ULK4: variants seen among roughly 807,000 people sequenced by gnomAD.
ULK4 encodes inactive serine/threonine-protein kinase ULK4.
A neutral mutation model predicts 160.6 loss-of-function variants in ULK4; 133 were observed. That is an observed-to-expected ratio of 0.83 (90% CI 0.72 to 0.96). The LOEUF (loss-of-function observed/expected upper bound fraction) is 0.96. Among genes scored for constraint, ULK4 ranks in the 40% least tolerant of loss-of-function variants. ULK4 has a pLI of 0.00. For synonymous variants in ULK4, 534 were observed against 539.8 expected (o/e 0.99, Z 0.15); for missense variants, 1,580 against 1,499.5 (o/e 1.05, Z -0.89).
chr3:41,511,461 C>T (rs2085574088), intron 32 of ULK4, among the ~76,000 whole-genome samples: 1 of 152,078 alleles, frequency 6.6e-6, no homozygotes, highest in Admixed American at 6.5e-5. Flanking sequence ...GGATATATTA[C>T]TACTGATACC....
intron 34 of ULK4, among the ~76,000 whole-genome samples, chr3:41,420,623 C>A (rs2082642815): frequency 6.6e-6 from 1 of 151,046 alleles, no homozygotes; most frequent in African/African-American, 2.4e-5. Flanking sequence ...GCTGAGATTA[C>A]ACAGGCACCA....
Position 41,352,855 on chromosome 3 carries a change from C to T in ULK4, c.3678+45224G>A, listed in dbSNP as rs945460177. Reference sequence around the variant, plus strand: ...GTTCAGTTAACAGGGAAGCGTGAACCTTCAAGGTCAAACAAGGCCAATTCA... The same window carrying T: ...GTTCAGTTAACAGGGAAGCGTGAACTTTCAAGGTCAAACAAGGCCAATTCA... On this transcript the variant is annotated intron_variant, in intron 35 of 36. Coordinates refer to ENST00000301831, the MANE Select transcript of ULK4 (RefSeq NM_017886.4). Among the ~76,000 whole-genome samples the T allele has an allele frequency of 5.9e-5, 9 of 152,148 alleles. No individual in the cohort carries two copies. In the East Asian group the frequency reaches 1.7e-3, roughly 29 times the overall value.
intron 30 of ULK4, among the ~76,000 whole-genome samples, chr3:41,621,951 G>A (rs1430310612): frequency 6.6e-6 from 1 of 152,112 alleles, no homozygotes; most frequent in Non-Finnish European, 1.5e-5. Context: ...AAAAGGCGAA[G>A]GGTATGAACA....
rs187749946 is a variant in ULK4, at chr3:41,332,841, G to A, written c.3678+65238C>T. On this transcript the variant is annotated intron_variant, in intron 35 of 36. Transcript: ENST00000301831. ...CCTCTAGTAGTCCTCTGTGTCTATTGTTGCCATCTTTATGTTCAGGAGTAC... is the reference window on the plus strand; with the variant it reads ...CCTCTAGTAGTCCTCTGTGTCTATTATTGCCATCTTTATGTTCAGGAGTAC... Among the ~76,000 whole-genome samples, 53 of 152,134 alleles carry A rather than the reference G, an allele frequency of 3.5e-4. No individual in the cohort carries two copies. In the East Asian group the frequency reaches 8.3e-3, roughly 24 times the overall value.
At chr3:41,844,967 CTT>C (rs201354327) in intron 17 of ULK4, among the ~76,000 whole-genome samples, 45 of 143,532 alleles carry the variant, frequency 3.1e-4, no homozygotes, top group East Asian at 6.1e-4. Flanking sequence ...ACCCAGATAT[CTT>C]TTTTTTTTTT....
chr3:41,457,055 G>A (rs968271194), intron 33 of ULK4, among the ~76,000 whole-genome samples: 87 of 152,250 alleles, frequency 5.7e-4, no homozygotes, highest in African/African-American at 2.0e-3. Context: ...ACAAATGTGC[G>A]GCACTATCCA....
intron 35 of ULK4, among the ~76,000 whole-genome samples, chr3:41,392,730 A>G (rs1434017967): frequency 6.6e-6 from 1 of 152,098 alleles, no homozygotes; most frequent in Non-Finnish European, 1.5e-5. Context: ...CTTAATGAAT[A>G]TCCTCTGATT....
At chr3:41,309,653 A>T (rs2080011902) in intron 35 of ULK4, among the ~76,000 whole-genome samples, 2 of 152,230 alleles carry the variant, frequency 1.3e-5, no homozygotes, top group South Asian at 4.1e-4. Flanking sequence ...GGAATTCTAA[A>T]TGTTTTAGAA....
At chr3:41,880,534 T>A (rs1697479250) in intron 17 of ULK4, among the ~76,000 whole-genome samples, 1 of 152,216 alleles carries the variant, frequency 6.6e-6, no homozygotes, top group South Asian at 2.1e-4. Flanking sequence ...TTCATTAAAC[T>A]CTCCAGCATT....
chr3:41,695,787 T>C (rs2036473859), intron 27 of ULK4, among the ~76,000 whole-genome samples: 1 of 152,132 alleles, frequency 6.6e-6, no homozygotes, highest in Non-Finnish European at 1.5e-5. Context: ...ACCATAGACA[T>C]GATTACGTAT....
At chr3:41,695,727 G>C (rs2036471134) in intron 27 of ULK4, among the ~76,000 whole-genome samples, 1 of 152,242 alleles carries the variant, frequency 6.6e-6, no homozygotes, top group African/African-American at 2.4e-5. Context: ...GCCACGAGCT[G>C]TTCCAGTATA....
At chr3:41,309,898 GAAAA>G (rs35153974) in intron 35 of ULK4, among the ~76,000 whole-genome samples, 2 of 144,452 alleles carry the variant, frequency 1.4e-5, no homozygotes, top group African/African-American at 5.0e-5. Context: ...GCCTTTTAGG[GAAAA>G]AAAAAAAAAT....
intron 32 of ULK4, among the ~76,000 whole-genome samples, chr3:41,529,794 G>A (rs2086240677): frequency 6.6e-6 from 1 of 152,106 alleles, no homozygotes; most frequent in South Asian, 2.1e-4. Context: ...CGCCCAGCCA[G>A]GTACTGATAT....
At chr3:41,935,743 G>T in intron 4 of ULK4, 58 bp downstream of exon 4, 2 of 1,525,638 alleles carry the variant, frequency 1.3e-6, no homozygotes, top group Non-Finnish European at 8.8e-7. Flanking sequence ...ACATCTTTGA[G>T]AAAGCACTCT....
chr3:41,805,407 T>C (rs2040609787), intron 19 of ULK4, among the ~76,000 whole-genome samples: 1 of 152,244 alleles, frequency 6.6e-6, no homozygotes, highest in Non-Finnish European at 1.5e-5. Flanking sequence ...GTTTTCTAAA[T>C]ATACAATCAT....
At chr3:41,886,453 A>C (rs1697724900) in intron 16 of ULK4, among the ~76,000 whole-genome samples, 1 of 152,236 alleles carries the variant, frequency 6.6e-6, no homozygotes, top group African/African-American at 2.4e-5. Flanking sequence ...AGGCTGTACA[A>C]GGCAAACAAA....
chr3:41,609,500 T>A (rs1161003229), intron 31 of ULK4, among the ~76,000 whole-genome samples: 1 of 152,222 alleles, frequency 6.6e-6, no homozygotes, highest in Non-Finnish European at 1.5e-5. Context: ...GTGGTATATG[T>A]TAGCAGCGTA....
At chr3:41,723,123 A>AATTT (rs1410766952) in intron 22 of ULK4, among the ~76,000 whole-genome samples, 1 of 152,166 alleles carries the variant, frequency 6.6e-6, no homozygotes, top group Non-Finnish European at 1.5e-5. Context: ...TGGTACCTTT[A>AATTT]GTCTTAATTT....
At chr3:41,390,577 C>T (rs964672024) in intron 35 of ULK4, among the ~76,000 whole-genome samples, 35 of 152,172 alleles carry the variant, frequency 2.3e-4, no homozygotes, top group African/African-American at 8.0e-4. Flanking sequence ...TCTTTGTTCT[C>T]GTTGGTTTCA....
Sources: allele counts gnomAD v4.1 joint callset (sites outside exome capture counted in the v4.1 genomes callset), GRCh38; gene constraint gnomAD v4.1.1; transcripts MANE v1.5; gene names NCBI Gene and HGNC (gene_info 2026-07-23, HGNC 2026-07-21).